Variants in FCHO2 observed in about 807,000 individuals in gnomAD.
The protein encoded by FCHO2 is FCH and mu domain containing endocytic adaptor 2.
A neutral mutation model predicts 114.1 loss-of-function variants in FCHO2; 43 were observed. That is an observed-to-expected ratio of 0.38 (90% CI 0.30 to 0.49). The LOEUF (loss-of-function observed/expected upper bound fraction) is 0.49, where lower values mean the gene tolerates loss of function less well. Ranked by LOEUF, FCHO2 falls within the 20% of genes least tolerant of loss-of-function variation. FCHO2 has a pLI of 0.97. For missense variants in FCHO2, 807 were observed against 950.4 expected, an observed-to-expected ratio of 0.85 and a Z score of 1.98; for synonymous variants, 293 against 315.2, an observed-to-expected ratio of 0.93 and a Z score of 0.75.
At chr5:73,017,444 CTG>C (rs1370769036) in intron 8 of FCHO2, 136 bp downstream of exon 8, 1 of 499,748 alleles carries the variant, frequency 2.0e-6, no homozygotes, top group East Asian at 3.5e-5. Flanking sequence ...TATTTCCAAA[CTG>C]TGAAATGGAG....
chr5:73,028,817 G>T (rs376248744), intron 8 of FCHO2, among the ~76,000 whole-genome samples: 1 of 151,804 alleles, frequency 6.6e-6, no homozygotes, highest in Non-Finnish European at 1.5e-5. Flanking sequence ...TGCCCAGTTA[G>T]TTTTTGTATT....
chr5:73,022,189 G>T (rs1455839328), intron 8 of FCHO2, among the ~76,000 whole-genome samples: 1 of 152,106 alleles, frequency 6.6e-6, no homozygotes, highest in Non-Finnish European at 1.5e-5. Flanking sequence ...CCTTAAATGT[G>T]AACCTAAACT....
intron 2 of FCHO2, among the ~76,000 whole-genome samples, chr5:72,979,460 C>T (rs62360753): frequency 0.15 from 18,258 of 124,916 alleles, 1,404 homozygotes; most frequent in East Asian, 0.38. Flanking sequence ...GGCGCGATCT[C>T]GGCTCACTGC....
At chr5:72,992,537 C>G (rs1205904714) in intron 5 of FCHO2, among the ~76,000 whole-genome samples, 1 of 152,042 alleles carries the variant, frequency 6.6e-6, no homozygotes, top group African/African-American at 2.4e-5. Context: ...GCAAAAGGGA[C>G]TAAAAGCTCC....
intron 5 of FCHO2, among the ~76,000 whole-genome samples, chr5:73,003,584 T>C (rs917027960): frequency 6.6e-6 from 1 of 152,220 alleles, no homozygotes; most frequent in Non-Finnish European, 1.5e-5. Flanking sequence ...GTATTAGGAA[T>C]GATCACAACT....
At chr5:73,045,410 C>G (rs1757007812) in intron 11 of FCHO2, among the ~76,000 whole-genome samples, 1 of 152,092 alleles carries the variant, frequency 6.6e-6, no homozygotes, top group African/African-American at 2.4e-5. Context: ...GGAGATGTAT[C>G]CAGGTTGTGG....
At chr5:73,068,834 C>A in intron 19 of FCHO2, 55 bp downstream of exon 19, 3 of 1,518,232 alleles carry the variant, frequency 2.0e-6, no homozygotes, top group East Asian at 2.4e-5. Context: ...TATATGTATG[C>A]TAAATATGTA....
At chr5:73,003,393 T>G (rs1754549185) in intron 5 of FCHO2, among the ~76,000 whole-genome samples, 1 of 152,126 alleles carries the variant, frequency 6.6e-6, no homozygotes, top group African/African-American at 2.4e-5. Context: ...CCCAGTCTGG[T>G]CTTGAACTCC....
intron 2 of FCHO2, among the ~76,000 whole-genome samples, chr5:72,969,806 GA>G (rs1752418992): frequency 6.6e-6 from 1 of 152,078 alleles, no homozygotes; most frequent in Non-Finnish European, 1.5e-5. Context: ...TGATAAAAGT[GA>G]TATTTCATTT....
intron 5 of FCHO2, among the ~76,000 whole-genome samples, chr5:72,992,988 G>A (rs765934237): frequency 2.0e-5 from 3 of 151,284 alleles, no homozygotes; most frequent in Non-Finnish European, 4.4e-5. Flanking sequence ...CTCCTATTCT[G>A]AATGAGCAAA....
chr5:72,963,902 G>GTTTTTTTTTT (rs70973214), intron 1 of FCHO2, among the ~76,000 whole-genome samples: 8 of 95,696 alleles, frequency 8.4e-5, no homozygotes, highest in Non-Finnish European at 1.2e-4. Flanking sequence ...GGAACTTTCA[G>GTTTTTTTTTT]TTTTTTTTTT....
intron 6 of FCHO2, among the ~76,000 whole-genome samples, chr5:73,014,757 G>C (rs548293706): frequency 6.6e-6 from 1 of 151,782 alleles, no homozygotes; most frequent in Non-Finnish European, 1.5e-5. Context: ...CTAATTTTCT[G>C]ATCACGATTA....
chr5:73,066,256 A>G (rs1441622046), intron 18 of FCHO2, among the ~76,000 whole-genome samples: 2 of 151,964 alleles, frequency 1.3e-5, no homozygotes, highest in African/African-American at 4.8e-5. Context: ...TCTGAGCTTC[A>G]GGGAGCACTA....
chr5:73,016,887 GTGTT>G (rs958845299), intron 7 of FCHO2, among the ~76,000 whole-genome samples: 1 of 152,068 alleles, frequency 6.6e-6, no homozygotes, highest in African/African-American at 2.4e-5. Context: ...GACTGTGTGT[GTGTT>G]TTTTTTAAGC....
chr5:73,059,103 T>C (rs1011018240), intron 17 of FCHO2, among the ~76,000 whole-genome samples: 4 of 152,194 alleles, frequency 2.6e-5, no homozygotes, highest in Non-Finnish European at 4.4e-5. Context: ...TCTCTTTTCA[T>C]TAGTCAAAAA....
In FCHO2 at chr5:73,089,105, C is replaced by G. The variant is rs1243621536; in HGVS notation, c.*1015C>G. 6.6e-6 allele frequency: 1 copy of G among 152,394 alleles called. No homozygotes were observed. Among genetic ancestry groups the G allele is most frequent in the African/African-American group, 2.4e-5 (1 of 41,374 alleles). 9.4% of individuals were successfully genotyped at this position (152,394 alleles called of 1,614,324 possible). Reference sequence around the variant, plus strand: ...GTAGCCACTAGAAAGAGAAATAAACCCAATGGCATGTGTTTACAGGAAGAA... The same window carrying G: ...GTAGCCACTAGAAAGAGAAATAAACGCAATGGCATGTGTTTACAGGAAGAA... On this transcript the variant is annotated 3_prime_UTR_variant, in exon 26 of 26. Coordinates refer to ENST00000430046, the MANE Select transcript of FCHO2 (RefSeq NM_138782.3).
chr5:72,964,287 G>A (rs1752056327), intron 1 of FCHO2, among the ~76,000 whole-genome samples: 1 of 152,088 alleles, frequency 6.6e-6, no homozygotes, highest in Middle Eastern at 3.2e-3. Flanking sequence ...TTTTTTGAAA[G>A]GTAGTAAGAT....
intron 6 of FCHO2, among the ~76,000 whole-genome samples, chr5:73,008,159 A>C (rs1056499815): frequency 2.0e-5 from 3 of 152,224 alleles, no homozygotes; most frequent in Non-Finnish European, 4.4e-5. Flanking sequence ...TGGCAAAAGA[A>C]TTTAGGTTTT....
At chr5:73,014,150 G>A (rs1400823594) in intron 6 of FCHO2, among the ~76,000 whole-genome samples, 2 of 152,048 alleles carry the variant, frequency 1.3e-5, no homozygotes, top group Non-Finnish European at 2.9e-5. Flanking sequence ...GTTTGAAAAG[G>A]TTCTCCAGGT....
Sources: gnomAD v4.1 joint callset for allele counts (sites outside exome capture counted in the v4.1 genomes callset) on GRCh38, gnomAD v4.1.1 for gene constraint, MANE v1.5 for transcripts, NCBI Gene and HGNC (gene_info 2026-07-23, HGNC 2026-07-21) for gene names.